The following CC2D2A variants were observed in gnomAD, a reference collection of about 807,000 sequenced individuals.
CC2D2A encodes coiled-coil and C2 domain-containing protein 2A.
Under a neutral mutation model 212.9 loss-of-function variants are expected in CC2D2A, and 155 were observed. That is an observed-to-expected ratio of 0.73 (90% CI 0.64 to 0.83). The LOEUF is 0.83. CC2D2A is among the 40% of genes least tolerant of loss of function. The pLI is 0.00. For missense variants in CC2D2A, 1,856 were observed against 1,956.2 expected, an observed-to-expected ratio of 0.95 and a Z score of 0.97; for synonymous variants, 667 against 686.5, an observed-to-expected ratio of 0.97 and a Z score of 0.44.
intron 11 of CC2D2A, among the ~76,000 whole-genome samples, chr4:15,519,022 T>G (rs1717047465): frequency 6.6e-6 from 1 of 152,216 alleles, no homozygotes; most frequent in Non-Finnish European, 1.5e-5. Flanking sequence ...CTACAGCCGG[T>G]TTGAATTTCT....
At chr4:15,567,008 T>C (rs1460763960) in intron 24 of CC2D2A, among the ~76,000 whole-genome samples, 1 of 151,910 alleles carries the variant, frequency 6.6e-6, no homozygotes, top group African/African-American at 2.4e-5. Context: ...TAAGGCTGGG[T>C]GCAGTAACTC....
rs190930417 is a variant in CC2D2A, at chr4:15,597,513, A to C, written c.4496+48A>C. On this transcript the variant is annotated intron_variant, in intron 35 of 36. Transcript: ENST00000424120. The stretch of plus-strand genomic sequence containing the variant: ...ACATGTAATCTGTCACTAGGAGTAT[A>C]ATACCAAACTTTAAACCACTGTCAG... 24 of 1,425,040 alleles carry C rather than the reference A, an allele frequency of 1.7e-5. No homozygotes were observed. In the East Asian group the frequency reaches 3.0e-4, roughly 18 times the overall value. The allele number at this position is 1,425,040 out of a possible 1,614,324, so 88.3% of individuals were successfully genotyped here. A position where few individuals can be genotyped will look rare whatever the true frequency, so the allele number is the denominator to read the frequency against.
rs367560550 is a variant in CC2D2A, at chr4:15,553,206, T to C, written c.2387T>C (p.Met796Thr). 3.1e-6 allele frequency: 5 copies of C among 1,610,006 alleles called. No homozygotes were observed. Among genetic ancestry groups the C allele is most frequent in the Non-Finnish European group, 4.2e-6 (5 of 1,178,526 alleles). Residue 796 changes from methionine (M) to threonine (T), a missense_variant, in exon 19 of 37, where the codon ATG becomes ACG. Met to Thr is a moderately conservative substitution (Grantham distance 81). Transcript: ENST00000424120. ...GATGGCAGTAACCAGCTGACTCTGA[T>C]GACCTCAGGGAAAGTGTCTCATAGT... is the stretch of plus-strand genomic sequence containing the variant. ...EADGSNQLTL[M>T]TSGKVSHSVA... is the part of the protein sequence containing the mutation.
intron 13 of CC2D2A, among the ~76,000 whole-genome samples, chr4:15,530,251 G>A (rs1577352460): frequency 6.6e-6 from 1 of 152,190 alleles, no homozygotes; most frequent in East Asian, 1.9e-4. Context: ...GATTACAGGC[G>A]TGAGCCACCG....
Position 15,563,339 on chromosome 4 carries a change from G to T in CC2D2A, c.3015-16G>T. ...TTCTTTTTCTTAGAGTCCTGATCCT[G>T]TTCTGTAATCATTAGCATTTTGGGC... On this transcript the variant is annotated splice_polypyrimidine_tract_variant and intron_variant, in intron 23 of 36. Transcript: ENST00000424120. 1 of 1,587,688 alleles carries T rather than the reference G, an allele frequency of 6.3e-7. No homozygotes were observed. Among genetic ancestry groups the T allele is most frequent in the South Asian group, 1.1e-5 (1 of 87,278 alleles).
chr4:15,554,578 A>G (rs1458739802), intron 19 of CC2D2A, among the ~76,000 whole-genome samples: 1 of 152,268 alleles, frequency 6.6e-6, no homozygotes, highest in African/African-American at 2.4e-5. Context: ...TGGGTGGCTC[A>G]GGCATGAGAA....
rs533148863 is a variant in CC2D2A at position 15,487,885 on chromosome 4, C to T, written c.247+7058C>T. The stretch of plus-strand genomic sequence containing the variant: ...ATAACCAGTTATTTTAAGCTGATGA[C>T]AACTTAAATCTGATCACAATGAAAA... On this transcript the variant is annotated intron_variant, in intron 4 of 36. Transcript: ENST00000424120. 4.6e-5 allele frequency among the ~76,000 whole-genome samples: 7 copies of T among 151,092 alleles called. No individual in the cohort carries two copies. The South Asian group carries it at 1.3e-3, about 27-fold the overall frequency.
intron 21 of CC2D2A, among the ~76,000 whole-genome samples, chr4:15,557,813 C>T (rs1229862157): frequency 6.6e-6 from 1 of 152,126 alleles, no homozygotes; most frequent in Non-Finnish European, 1.5e-5. Flanking sequence ...AATAATATGG[C>T]TAGTTAATTA....
intron 14 of CC2D2A, 150 bp downstream of exon 14, chr4:15,533,483 G>A: frequency 2.0e-6 from 1 of 501,428 alleles, no homozygotes; most frequent in Non-Finnish European, 3.5e-6. Flanking sequence ...TACCTGAGCA[G>A]CCCCTCCCAA....
intron 26 of CC2D2A, among the ~76,000 whole-genome samples, chr4:15,568,109 C>T (rs1434530915): frequency 6.6e-6 from 1 of 152,238 alleles, no homozygotes; most frequent in Non-Finnish European, 1.5e-5. Context: ...CTTTCTTCCT[C>T]ATGTCCCCTC....
At chr4:15,591,562 T>C (rs761795610) in intron 33 of CC2D2A, among the ~76,000 whole-genome samples, 11 of 152,160 alleles carry the variant, frequency 7.2e-5, no homozygotes. Flanking sequence ...AAATTAGAGA[T>C]AATATATGCC....
At chr4:15,511,663 A>G in intron 8 of CC2D2A, 3 of 297,698 alleles carry the variant, frequency 1.0e-5, no homozygotes, top group Non-Finnish European at 1.8e-5. Flanking sequence ...TTGTGGAAAA[A>G]AGAATTAAAT....
At chr4:15,513,911 C>T (rs1218068010) in intron 8 of CC2D2A, among the ~76,000 whole-genome samples, 2 of 152,276 alleles carry the variant, frequency 1.3e-5, no homozygotes, top group South Asian at 4.2e-4. Flanking sequence ...GGTAGCTAGA[C>T]TGCCATCATT....
At chr4:15,521,481 G>C (rs1415406853) in intron 11 of CC2D2A, among the ~76,000 whole-genome samples, 2 of 150,014 alleles carry the variant, frequency 1.3e-5, no homozygotes, top group Admixed American at 6.6e-5. Flanking sequence ...TTGCCTTTAA[G>C]AAAAAAAAAA....
At chr4:15,563,806 G>A (rs2109065781) in intron 24 of CC2D2A, 1 of 330,870 alleles carries the variant, frequency 3.0e-6, no homozygotes, top group Non-Finnish European at 5.6e-6. Flanking sequence ...CTGAGGCCCC[G>A]TGGTCTCTCA....
At chr4:15,497,805 G>C (rs1307833148) in intron 4 of CC2D2A, among the ~76,000 whole-genome samples, 1 of 152,128 alleles carries the variant, frequency 6.6e-6, no homozygotes, top group Non-Finnish European at 1.5e-5. Flanking sequence ...TTCTTTCTCA[G>C]AGAATGCCTA....
chr4:15,577,000 G>T (rs1451810328), intron 29 of CC2D2A, among the ~76,000 whole-genome samples: 2 of 152,216 alleles, frequency 1.3e-5, no homozygotes, highest in Admixed American at 1.3e-4. Context: ...TTTTGTTGTT[G>T]TTTTTTGTTT....
intron 14 of CC2D2A, among the ~76,000 whole-genome samples, chr4:15,536,521 A>G (rs1397544707): frequency 6.6e-6 from 1 of 152,198 alleles, no homozygotes; most frequent in East Asian, 1.9e-4. Context: ...CAACAAAATG[A>G]AGCAGTTCCT....
chr4:15,586,538 A>G (rs1025388273), intron 31 of CC2D2A, among the ~76,000 whole-genome samples: 1 of 152,198 alleles, frequency 6.6e-6, no homozygotes, highest in Admixed American at 6.5e-5. Context: ...TTGTTCATGA[A>G]AAATACCAAA....
Sources: gnomAD v4.1 joint callset for allele counts (sites outside exome capture counted in the v4.1 genomes callset) on GRCh38, gnomAD v4.1.1 for gene constraint, MANE v1.5 for transcripts, NCBI Gene and HGNC (gene_info 2026-07-23, HGNC 2026-07-21) for gene names.